TMEM131: variants seen among roughly 807,000 people sequenced by gnomAD.
The protein encoded by TMEM131 is 2610524E03Rik.
TMEM131 carries 66 observed loss-of-function variants against 211.6 expected under a neutral mutation model. The observed-to-expected ratio is 0.31, with a 90% CI of 0.26 to 0.38. TMEM131 has a LOEUF of 0.38. Ranked by LOEUF, TMEM131 falls within the 10% of genes least tolerant of loss-of-function variation. TMEM131 has a pLI of 1.00. For synonymous variants in TMEM131, 844 were observed against 841.3 expected, an observed-to-expected ratio of 1.00 and a Z score of -0.06; for missense variants, 2,036 against 2,299.3, an observed-to-expected ratio of 0.89 and a Z score of 2.34.
chr2:97,865,911 C>T (rs1674250852), intron 4 of TMEM131, among the ~76,000 whole-genome samples: 1 of 152,074 alleles, frequency 6.6e-6, no homozygotes, highest in Admixed American at 6.5e-5. Flanking sequence ...GAGATGGAGT[C>T]TCGCTCTGTC....
chr2:97,927,261 G>A (rs545311231), intron 2 of TMEM131, 165 bp downstream of exon 2: 7 of 438,602 alleles, frequency 1.6e-5, no homozygotes, highest in Admixed American at 8.8e-5. Context: ...GAAAACTCAC[G>A]TAACTACAGA....
In TMEM131 at chr2:97,792,697, C is replaced by T; in HGVS notation, c.3833G>A (p.Arg1278Lys). Residue 1278 changes from arginine to lysine, a missense_variant, in exon 31 of 41, where the codon AGA (arginine) becomes AAA (lysine). Transcript: ENST00000186436. ...NTVTQGHTAG[R>K]KSKGAKQSQH... ...GCTCTGCTTTGCCCCTTTGGACTTT[C>T]TGCCCGCTGTATGACCTTGAGTCAC... is the stretch of plus-strand genomic sequence containing the variant. 1.2e-6 allele frequency: 2 copies of T among 1,614,044 alleles called. No homozygotes were observed. The highest frequency in any genetic ancestry group is 1.7e-6 in the Non-Finnish European group (2 of 1,179,910).
chr2:97,836,034 T>G (rs975278205), intron 8 of TMEM131, among the ~76,000 whole-genome samples: 2 of 152,222 alleles, frequency 1.3e-5, no homozygotes, highest in African/African-American at 4.8e-5. Context: ...ACAGATATAA[T>G]AGTCTGAATT....
In TMEM131 at chr2:97,819,514, G is replaced by A. The variant is rs545218334; in HGVS notation, c.1075-793C>T. Among the ~76,000 whole-genome samples, 10 of 152,276 alleles carry A rather than the reference G, an allele frequency of 6.6e-5. No homozygotes were observed. In the South Asian group the frequency reaches 2.1e-3, roughly 32 times the overall value. Reference sequence around the variant, plus strand: ...TCCAATATTGATGTTTTAATAGCTAGGCATCAACAGGTAGGAATGAAACAA... The same window carrying A: ...TCCAATATTGATGTTTTAATAGCTAAGCATCAACAGGTAGGAATGAAACAA... On this transcript the variant is annotated intron_variant, in intron 11 of 40. Coordinates refer to ENST00000186436, the MANE Select transcript of TMEM131 (RefSeq NM_015348.2).
At chr2:97,801,853 T>C (rs753815838) in intron 25 of TMEM131, 42 bp downstream of exon 25, 1 of 1,401,408 alleles carries the variant, frequency 7.1e-7, no homozygotes, top group South Asian at 1.3e-5. Flanking sequence ...GATCATATTA[T>C]AAAATAATTT....
intron 25 of TMEM131, among the ~76,000 whole-genome samples, chr2:97,798,659 G>C (rs116336449): frequency 1.4e-3 from 209 of 152,314 alleles, no homozygotes; most frequent in Middle Eastern, 3.4e-3. Flanking sequence ...CAAAAAGTAG[G>C]GCTCTCCATA....
chr2:97,843,138 A>G (rs1479578784), intron 6 of TMEM131, among the ~76,000 whole-genome samples: 1 of 152,008 alleles, frequency 6.6e-6, no homozygotes, highest in Non-Finnish European at 1.5e-5. Context: ...CACTGGCAGC[A>G]CAGCACAGTG....
At chr2:97,775,529 T>C (rs1388389818) in intron 32 of TMEM131, among the ~76,000 whole-genome samples, 6 of 152,206 alleles carry the variant, frequency 3.9e-5, no homozygotes, top group Admixed American at 3.3e-4. Context: ...TGAGGTAGAA[T>C]AGTTACTATT....
intron 7 of TMEM131, among the ~76,000 whole-genome samples, chr2:97,837,518 AC>A (rs1179287665): frequency 1.3e-5 from 2 of 152,230 alleles, no homozygotes; most frequent in African/African-American, 2.4e-5. Context: ...TCTTACAGTA[AC>A]ACAAAGTGCT....
chr2:97,917,118 G>A (rs1422344555), intron 2 of TMEM131, among the ~76,000 whole-genome samples: 1 of 152,092 alleles, frequency 6.6e-6, no homozygotes, highest in African/African-American at 2.4e-5. Context: ...AAAGAAGTTG[G>A]TAATCTATTA....
chr2:97,858,097 TATG>T (rs1673920996), intron 5 of TMEM131, among the ~76,000 whole-genome samples: 1 of 152,176 alleles, frequency 6.6e-6, no homozygotes, highest in African/African-American at 2.4e-5. Context: ...GTAAACAACA[TATG>T]ATGAAACAGG....
chr2:97,861,891 G>A (rs1200229826), intron 4 of TMEM131, among the ~76,000 whole-genome samples: 1 of 152,102 alleles, frequency 6.6e-6, no homozygotes, highest in Non-Finnish European at 1.5e-5. Flanking sequence ...ACACCTGGAA[G>A]CCAGGGAGTG....
intron 18 of TMEM131, 30 bp downstream of exon 18, chr2:97,811,098 C>A: frequency 6.8e-7 from 1 of 1,468,536 alleles, no homozygotes; most frequent in Non-Finnish European, 9.5e-7. Context: ...AGAAAAACCC[C>A]ACTGCCATGA....
At chr2:97,813,836 A>G in intron 15 of TMEM131, 135 bp downstream of exon 15, 1 of 705,682 alleles carries the variant, frequency 1.4e-6, no homozygotes, top group Non-Finnish European at 2.2e-6. Context: ...AAAGGTAAAA[A>G]CTGACTAGGA....
intron 1 of TMEM131, among the ~76,000 whole-genome samples, chr2:97,956,541 T>C (rs1217293618): frequency 6.6e-6 from 1 of 152,022 alleles, no homozygotes; most frequent in African/African-American, 2.4e-5. Flanking sequence ...TACTCCAAAG[T>C]GGTAAAAGAA....
intron 1 of TMEM131, among the ~76,000 whole-genome samples, chr2:97,958,365 C>G (rs1171663965): frequency 1.3e-5 from 2 of 152,122 alleles, no homozygotes; most frequent in African/African-American, 2.4e-5. Context: ...AACGACCTTC[C>G]AATACTTAGA....
chr2:97,905,091 C>T (rs763944869), intron 3 of TMEM131, among the ~76,000 whole-genome samples: 4 of 152,000 alleles, frequency 2.6e-5, no homozygotes, highest in Non-Finnish European at 5.9e-5. Flanking sequence ...TCGTAGGATC[C>T]GTGTTTTCAC....
chr2:97,823,708 G>A (rs1232750472), intron 11 of TMEM131, among the ~76,000 whole-genome samples: 1 of 152,152 alleles, frequency 6.6e-6, no homozygotes, highest in Non-Finnish European at 1.5e-5. Context: ...TTAGGAAAAA[G>A]CCCATGAGTT....
At chr2:97,850,940 A>T (rs1022817430) in intron 5 of TMEM131, among the ~76,000 whole-genome samples, 1 of 151,766 alleles carries the variant, frequency 6.6e-6, no homozygotes, top group South Asian at 2.1e-4. Flanking sequence ...AACTCCAAAG[A>T]GTTAGAAAAA....
Sources: gnomAD v4.1 joint callset for allele counts (sites outside exome capture counted in the v4.1 genomes callset) on GRCh38, gnomAD v4.1.1 for gene constraint, MANE v1.5 for transcripts, NCBI Gene and HGNC (gene_info 2026-07-23, HGNC 2026-07-21) for gene names.